CNTNAP3: variants seen among roughly 807,000 people sequenced by gnomAD.
CNTNAP3 encodes the protein contactin-associated protein-like 3.
Under a neutral mutation model 92.1 loss-of-function variants are expected in CNTNAP3, and 36 were observed. That is an observed-to-expected ratio of 0.39 (90% confidence interval 0.30 to 0.52). CNTNAP3 has a LOEUF of 0.52. Among genes scored for constraint, CNTNAP3 ranks in the 20% least tolerant of loss-of-function variants. CNTNAP3 has a pLI of 0.76. For synonymous variants in CNTNAP3, 232 were observed against 422.3 expected, an observed-to-expected ratio of 0.55 and a Z score of 5.53; for missense variants, 534 against 1,069.6, an observed-to-expected ratio of 0.50 and a Z score of 6.98.
intron 18 of CNTNAP3, among the ~76,000 whole-genome samples, chr9:39,095,599 T>C (rs1826307465): frequency 6.9e-6 from 1 of 145,638 alleles, no homozygotes; most frequent in Non-Finnish European, 1.5e-5. Context: ...TTTTTTCCCC[T>C]CTCATTCTAT....
At chr9:39,080,145 G>T in intron 21 of CNTNAP3, among the ~76,000 whole-genome samples, 4 of 139,118 alleles carry the variant, frequency 2.9e-5, no homozygotes. Flanking sequence ...ATGACCAGAT[G>T]TTGGTCAGGC....
At chr9:39,130,492 AT>A (rs1821255348) in intron 13 of CNTNAP3, among the ~76,000 whole-genome samples, 1 of 145,046 alleles carries the variant, frequency 6.9e-6, no homozygotes, top group African/African-American at 2.6e-5. Context: ...AATAGGAGGA[AT>A]TCTTTTTTTT....
chr9:39,137,650 C>G (rs1821475391), intron 12 of CNTNAP3, among the ~76,000 whole-genome samples: 1 of 151,292 alleles, frequency 6.6e-6, no homozygotes, highest in African/African-American at 2.4e-5. Context: ...GTAGCTGGGA[C>G]TACAGGCACC....
At chr9:39,138,681 C>T (rs1164161661) in intron 12 of CNTNAP3, among the ~76,000 whole-genome samples, 1 of 152,252 alleles carries the variant, frequency 6.6e-6, no homozygotes, top group Non-Finnish European at 1.5e-5. Flanking sequence ...GGGGACCCTT[C>T]TCTGTCTGGG....
At chr9:39,107,751 G>A (rs1374467652) in intron 15 of CNTNAP3, among the ~76,000 whole-genome samples, 1 of 151,996 alleles carries the variant, frequency 6.6e-6, no homozygotes, top group African/African-American at 2.4e-5. Context: ...ATGTATGGGG[G>A]GCAAAGGAAA....
chr9:39,141,248 A>T (rs1334879329), intron 11 of CNTNAP3, among the ~76,000 whole-genome samples: 1 of 152,202 alleles, frequency 6.6e-6, no homozygotes, highest in Non-Finnish European at 1.5e-5. Flanking sequence ...GTAATAACTG[A>T]ATACCTGAGC....
intron 21 of CNTNAP3, chr9:39,085,295 A>G (rs150407877): frequency 0.13 from 18,826 of 140,066 alleles, 3,638 homozygotes; most frequent in African/African-American, 0.37. Context: ...GCTTGAGAGA[A>G]AAATAAAACT....
chr9:39,175,773 ACT>A (rs1490097805), intron 7 of CNTNAP3, among the ~76,000 whole-genome samples, 174 bp downstream of exon 7: 2 of 145,734 alleles, frequency 1.4e-5, no homozygotes, highest in Admixed American at 6.9e-5. Context: ...CAAGAGGGAG[ACT>A]CTGTCTTAAA....
chr9:39,140,734 T>A, intron 11 of CNTNAP3, 96 bp from the exon 12 acceptor site: 1 of 1,466,312 alleles, frequency 6.8e-7, no homozygotes, highest in African/African-American at 1.4e-5. Flanking sequence ...AGACATGTGA[T>A]ACATATGACC....
intron 14 of CNTNAP3, among the ~76,000 whole-genome samples, chr9:39,114,281 T>G (rs149588252): frequency 0.098 from 14,808 of 151,074 alleles, 787 homozygotes; most frequent in African/African-American, 0.15. Flanking sequence ...AGACGGGGTT[T>G]CACCTGTGTT....
intron 10 of CNTNAP3, 51 bp from the exon 11 acceptor site, chr9:39,144,397 ATAAG>A (rs1268929780): frequency 1.3e-6 from 2 of 1,507,308 alleles, no homozygotes; most frequent in Non-Finnish European, 8.9e-7. Flanking sequence ...TCATCAAAAA[ATAAG>A]TGTCTTACCA....
At chr9:39,137,669 T>G (rs367813038) in intron 12 of CNTNAP3, among the ~76,000 whole-genome samples, 4 of 151,922 alleles carry the variant, frequency 2.6e-5, no homozygotes, top group African/African-American at 9.7e-5. Context: ...CCCGCCACTA[T>G]GCCCAGCTAA....
At chr9:39,122,340 GC>G (rs1821049710) in intron 13 of CNTNAP3, among the ~76,000 whole-genome samples, 1 of 152,166 alleles carries the variant, frequency 6.6e-6, no homozygotes, top group African/African-American at 2.4e-5. Flanking sequence ...GGGCTACAGA[GC>G]GAGACTCTCT....
chr9:39,065,681 C>T lies in CNTNAP3; in HGVS notation c.*8209G>A. 6.6e-6 allele frequency among the ~76,000 whole-genome samples: 1 copy of T among 152,228 alleles called. No individual in the cohort carries two copies. The highest frequency in any genetic ancestry group is 1.5e-5 in the Non-Finnish European group (1 of 68,032). On this transcript the variant is annotated 3_prime_UTR_variant, in exon 24 of 24. Coordinates refer to ENST00000297668, the MANE Select transcript of CNTNAP3 (RefSeq NM_033655.5). ...ATAACCATTTTAGTGGGAAGAATAA[C>T]TCACTGTGGTTTTAATTTGCATTTC...
At position 39,068,850 on chromosome 9, in the gene CNTNAP3, A is replaced by T. The variant is rs1825572550; in HGVS notation, c.*5040T>A. On this transcript the variant is annotated 3_prime_UTR_variant, in exon 24 of 24. Transcript: ENST00000297668. Reference sequence around the variant, plus strand: ...TTATGTTTCCTGTCTTTCAGGGATTACATTCCGTGCCTCATGTCCAGTGTA... The same window carrying T: ...TTATGTTTCCTGTCTTTCAGGGATTTCATTCCGTGCCTCATGTCCAGTGTA... Among the ~76,000 whole-genome samples, 1 of 152,310 alleles carries T rather than the reference A, an allele frequency of 6.6e-6. No homozygotes were observed. The highest frequency in any genetic ancestry group is 1.9e-4 in the East Asian group (1 of 5,208).
At chr9:39,134,174 G>A (rs1441995996) in intron 12 of CNTNAP3, among the ~76,000 whole-genome samples, 1 of 152,018 alleles carries the variant, frequency 6.6e-6, no homozygotes, top group Admixed American at 6.6e-5. Context: ...AGAAGGAAAA[G>A]AAAACCAGCC....
In CNTNAP3 at chr9:39,139,048, T is replaced by C. The variant is rs367996706; in HGVS notation, c.1876+1471A>G. ...TAGAGTAGTTTGAAATTGCACATTT[T>C]ATAATCATTATTGCTTGATTTGTAC... On this transcript the variant is annotated intron_variant, in intron 12 of 23. Transcript: ENST00000297668. Among the ~76,000 whole-genome samples, 7 of 152,316 alleles carry C rather than the reference T, an allele frequency of 4.6e-5. No individual in the cohort carries two copies. The South Asian group carries it at 1.5e-3, about 32-fold the overall frequency.
rs545010755 is a variant in CNTNAP3, at chr9:39,101,968, C to T, written c.2755+529G>A. On this transcript the variant is annotated intron_variant, in intron 17 of 23. Transcript: ENST00000297668. ...CTCATCTGTAAACAGATGACAATAC[C>T]TAAACATTGATACCTAAACACTGAG... Among the ~76,000 whole-genome samples, 17 of 152,238 alleles carry T rather than the reference C, an allele frequency of 1.1e-4. No homozygotes were observed. The South Asian group carries it at 1.5e-3, about 13-fold the overall frequency.
intron 14 of CNTNAP3, 134 bp from the exon 15 acceptor site, chr9:39,109,421 G>A: frequency 2.8e-6 from 4 of 1,410,244 alleles, no homozygotes; most frequent in South Asian, 2.8e-5. Flanking sequence ...AATATTTTGA[G>A]AGCACAGAGA....
Sources: gnomAD v4.1 joint callset for allele counts (sites outside exome capture counted in the v4.1 genomes callset) on GRCh38, gnomAD v4.1.1 for gene constraint, MANE v1.5 for transcripts, NCBI Gene and HGNC (gene_info 2026-07-23, HGNC 2026-07-21) for gene names.